The following TSNARE1 variants were observed in gnomAD, a reference collection of about 807,000 sequenced individuals.
The protein encoded by TSNARE1 is t-SNARE domain containing 1, also known as t-SNARE domain-containing protein 1.
A neutral mutation model predicts 62.0 loss-of-function variants in TSNARE1; 49 were observed. That is an observed-to-expected ratio of 0.79 (90% CI 0.63 to 1.00). The LOEUF (loss-of-function observed/expected upper bound fraction) is 1.00, where lower values mean the gene tolerates loss of function less well. TSNARE1 is among the 50% of genes least tolerant of loss of function. The pLI is 0.00. For missense variants in TSNARE1, 755 were observed against 700.1 expected (o/e 1.08, Z -0.88); for synonymous variants, 328 against 294.4 (o/e 1.11, Z -1.17).
chr8:142,400,418 C>T (rs1047602948), intron 1 of TSNARE1, among the ~76,000 whole-genome samples: 2 of 148,848 alleles, frequency 1.3e-5, no homozygotes, highest in African/African-American at 5.0e-5. Flanking sequence ...CGCCCTCCAG[C>T]CTGGGCAACA....
chr8:142,323,604 G>A (rs903979477), intron 6 of TSNARE1, among the ~76,000 whole-genome samples: 6 of 152,226 alleles, frequency 3.9e-5, no homozygotes, highest in African/African-American at 1.4e-4. Flanking sequence ...ATCTGAGGCT[G>A]GACACTGCTC....
intron 12 of TSNARE1, among the ~76,000 whole-genome samples, chr8:142,245,098 G>C (rs1817833182): frequency 6.6e-6 from 1 of 152,226 alleles, no homozygotes; most frequent in Admixed American, 6.5e-5. Flanking sequence ...TTAGTAATCA[G>C]GGAAATGCAA....
At chr8:142,310,476 C>T (rs577414431) in intron 9 of TSNARE1, among the ~76,000 whole-genome samples, 3 of 152,202 alleles carry the variant, frequency 2.0e-5, no homozygotes, top group East Asian at 1.9e-4. Context: ...CTCCGGGACA[C>T]GCTTCCCTCT....
At chr8:142,275,226 G>A (rs1820260016) in intron 11 of TSNARE1, 1 of 985,424 alleles carries the variant, frequency 1.0e-6, no homozygotes, top group Non-Finnish European at 1.2e-6. Flanking sequence ...CCACTCTGTG[G>A]CCACGGCCCC....
intron 1 of TSNARE1, among the ~76,000 whole-genome samples, chr8:142,368,955 T>G (rs1259667758): frequency 1.3e-5 from 2 of 152,150 alleles, no homozygotes; most frequent in Non-Finnish European, 2.9e-5. Context: ...AACACTCTCC[T>G]CTAAAGAGCA....
At chr8:142,337,103 ATAAAGG>A (rs1831856635) in intron 4 of TSNARE1, among the ~76,000 whole-genome samples, 1 of 152,274 alleles carries the variant, frequency 6.6e-6, no homozygotes, top group Admixed American at 6.5e-5. Flanking sequence ...GAAAGAAATA[ATAAAGG>A]TGAGCAGAAA....
At chr8:142,232,364 C>CT (rs1267883618) in intron 12 of TSNARE1, among the ~76,000 whole-genome samples, 3 of 152,262 alleles carry the variant, frequency 2.0e-5, no homozygotes, top group African/African-American at 7.2e-5. Context: ...CGGCCACTTC[C>CT]TGTGGCCCTG....
intron 2 of TSNARE1, among the ~76,000 whole-genome samples, chr8:142,346,230 G>T (rs975326642): frequency 6.6e-6 from 1 of 152,246 alleles, no homozygotes; most frequent in African/African-American, 2.4e-5. Flanking sequence ...AAAATGGGAA[G>T]TGCGGCTCCA....
At chr8:142,377,833 C>T (rs1328455364) in intron 1 of TSNARE1, among the ~76,000 whole-genome samples, 7 of 152,238 alleles carry the variant, frequency 4.6e-5, no homozygotes, top group African/African-American at 9.6e-5. Flanking sequence ...TAGCTGGAAA[C>T]GTCCTAAAGA....
In TSNARE1 at chr8:142,345,859, C is replaced by T. The variant is rs992297204; in HGVS notation, c.122G>A (p.Arg41His). 13 of 1,613,756 alleles carry T rather than the reference C, an allele frequency of 8.1e-6. No homozygotes were observed. Among genetic ancestry groups the T allele is most frequent in the African/African-American group, 8.0e-5 (6 of 74,900 alleles). Reference sequence around the variant, plus strand: ...CTCTGGCGACGGGCAGGGGAAATGGCGGATTCCATACTCGGTCCAACATCT... The same window carrying T: ...CTCTGGCGACGGGCAGGGGAAATGGTGGATTCCATACTCGGTCCAACATCT... The part of the protein sequence containing the change: ...CARCWTEYGI[R>H]HFPCPSPESK... Residue 41 changes from arginine to histidine, a missense_variant, in exon 3 of 14, where the codon CGC (arginine) becomes CAC (histidine). By Grantham distance (29) the Arg-to-His change is conservative. Transcript: ENST00000524325.
intron 1 of TSNARE1, among the ~76,000 whole-genome samples, chr8:142,393,747 C>A (rs908725124): frequency 6.6e-6 from 1 of 152,146 alleles, no homozygotes; most frequent in Non-Finnish European, 1.5e-5. Flanking sequence ...GATAGGGAAG[C>A]CCAGGAGGAA....
intron 13 of TSNARE1, among the ~76,000 whole-genome samples, chr8:142,215,504 C>T (rs1815790444): frequency 6.6e-6 from 1 of 152,160 alleles, no homozygotes; most frequent in Admixed American, 6.5e-5. Context: ...ATCCATTGCC[C>T]TTGTCCACCA....
intron 4 of TSNARE1, among the ~76,000 whole-genome samples, chr8:142,339,706 G>T (rs1832267648): frequency 6.6e-6 from 1 of 152,250 alleles, no homozygotes; most frequent in African/African-American, 2.4e-5. Context: ...GGCAGCTCCT[G>T]CCCACCTGGA....
intron 6 of TSNARE1, among the ~76,000 whole-genome samples, chr8:142,321,756 A>G (rs891580559): frequency 1.3e-5 from 2 of 152,252 alleles, no homozygotes; most frequent in African/African-American, 4.8e-5. Context: ...AACTGACTCA[A>G]AAAGAAATAG....
chr8:142,321,736 A>C (rs1409745754), intron 6 of TSNARE1, among the ~76,000 whole-genome samples: 3 of 152,248 alleles, frequency 2.0e-5, no homozygotes, highest in African/African-American at 7.2e-5. Flanking sequence ...AAAGACATGA[A>C]TTATATCAAA....
At chr8:142,333,741 C>T (rs1225915668) in intron 4 of TSNARE1, among the ~76,000 whole-genome samples, 2 of 152,240 alleles carry the variant, frequency 1.3e-5, no homozygotes, top group African/African-American at 4.8e-5. Flanking sequence ...TGGCCCCCTG[C>T]ACACTTTCCG....
chr8:142,253,279 C>T lies in TSNARE1; in HGVS notation c.1446+21502G>A, dbSNP rs560352870. ...GAAGCAGGGCCGCTGGGCCACCTCC[C>T]GAGCACAAGCAACAAGCGAGGCACA... On this transcript the variant is annotated intron_variant, in intron 12 of 13. Coordinates refer to ENST00000524325, the MANE Select transcript of TSNARE1 (RefSeq NM_145003.5). Among the ~76,000 whole-genome samples, 5 of 152,316 alleles carry T rather than the reference C, an allele frequency of 3.3e-5. No individual in the cohort carries two copies. The South Asian group carries it at 8.3e-4, about 25-fold the overall frequency.
chr8:142,319,117 G>A lies in TSNARE1; in HGVS notation c.894-483C>T, dbSNP rs925122216. Among the ~76,000 whole-genome samples the A allele has an allele frequency of 3.3e-5, 5 of 151,934 alleles. No homozygotes were observed. Among genetic ancestry groups the A allele is most frequent in the African/African-American group, 4.8e-5 (2 of 41,354 alleles). ...TGGCCCAGCCAGAACAGTGGCAGCC[G>A]GGCCCCACCAATCGGCCACTGCGAG... is the stretch of plus-strand genomic sequence containing the variant. On this transcript the variant is annotated intron_variant, in intron 6 of 13. Transcript: ENST00000524325. This position sits in a 1 kb window ranked among gnomAD's most constrained non-coding sequence, Gnocchi z 4.9.
intron 1 of TSNARE1, among the ~76,000 whole-genome samples, chr8:142,356,702 G>A (rs374154157): frequency 2.0e-5 from 3 of 152,148 alleles, no homozygotes; most frequent in African/African-American, 2.4e-5. Flanking sequence ...TACTACACGC[G>A]CAGATTCATC....
Sources: allele counts gnomAD v4.1 joint callset (sites outside exome capture counted in the v4.1 genomes callset), GRCh38; gene constraint gnomAD v4.1.1; non-coding constraint Gnocchi (gnomAD v3.1); transcripts MANE v1.5; gene names NCBI Gene and HGNC (gene_info 2026-07-23, HGNC 2026-07-21).